Variants in LSS observed in about 807,000 individuals in gnomAD.
LSS encodes lanosterol synthase, also known as 2,3-epoxysqualene-lanosterol cyclase.
A neutral mutation model predicts 110.3 loss-of-function variants in LSS; 90 were observed. That is an observed-to-expected ratio of 0.82 (90% CI 0.69 to 0.97). LSS has a LOEUF of 0.97. Ranked by LOEUF, LSS falls within the 50% of genes least tolerant of loss-of-function variation. The pLI, the probability that LSS is intolerant of heterozygous loss-of-function variation, is 0.00. For synonymous variants in LSS, 433 were observed against 400.0 expected (o/e 1.08, Z -0.98); for missense variants, 927 against 990.0 (o/e 0.94, Z 0.85).
At chr21:46,201,026 G>A (rs2079971489) in intron 17 of LSS, among the ~76,000 whole-genome samples, 1 of 143,964 alleles carries the variant, frequency 6.9e-6, no homozygotes, top group Non-Finnish European at 1.5e-5. Context: ...GGTAGAGCCT[G>A]GATCATGTGG....
chr21:46,212,423 G>A (rs2080145754), intron 11 of LSS, among the ~76,000 whole-genome samples: 1 of 152,232 alleles, frequency 6.6e-6, no homozygotes, highest in South Asian at 2.1e-4. Context: ...CTTCTGACAC[G>A]CACAGAGGGG....
intron 11 of LSS, 79 bp from the exon 12 acceptor site, chr21:46,210,823 G>T: frequency 7.2e-7 from 1 of 1,384,800 alleles, no homozygotes; most frequent in African/African-American, 1.4e-5. Context: ...TCCAATGGGC[G>T]CCTGAGGGCC....
chr21:46,225,319 TAG>T (rs2080323917), intron 3 of LSS: 1 of 444,170 alleles, frequency 2.3e-6, no homozygotes, highest in Non-Finnish European at 4.5e-6. Context: ...ACAAGGCCAC[TAG>T]AGGGCTCCTT....
At position 46,222,136 on chromosome 21, in the gene LSS, G is replaced by A; in HGVS notation, c.429-161C>T. 4.3e-6 allele frequency: 3 copies of A among 704,316 alleles called. No individual in the cohort carries two copies. The East Asian group carries it at 8.2e-5, about 19-fold the overall frequency. The allele number at this position is 704,316 out of a possible 1,614,324, so 43.6% of individuals were successfully genotyped here. ...GAGACCCCTGAGCAGCCACTCTGCA[G>A]TACGAATTCATGCACCTCCCATGAC... On this transcript the variant is annotated intron_variant, in intron 4 of 21. Transcript: ENST00000397728.
intron 19 of LSS, 52 bp from the exon 20 acceptor site, chr21:46,194,713 C>T (rs759645801): frequency 6.4e-7 from 1 of 1,558,766 alleles, no homozygotes; most frequent in Non-Finnish European, 8.7e-7. Flanking sequence ...GGTCCCAGAC[C>T]CCTGGCTTCT....
rs746538353 is a variant in LSS at position 46,213,723 on chromosome 21, C to T, written c.1109+15G>A. ...TTCGTGAGAGGCCCCGCCAGCATATCCCAGCCACACTCACCAGAGATAGTC... is the reference window on the plus strand; with the variant it reads ...TTCGTGAGAGGCCCCGCCAGCATATTCCAGCCACACTCACCAGAGATAGTC... On this transcript the variant is annotated intron_variant, in intron 10 of 21. Transcript: ENST00000397728. 6.8e-6 allele frequency: 11 copies of T among 1,610,228 alleles called. No individual in the cohort carries two copies. Among genetic ancestry groups the T allele is most frequent in the Non-Finnish European group, 9.3e-6 (11 of 1,178,038 alleles).
chr21:46,205,709 C>T lies in LSS; in HGVS notation c.1670+127G>A, dbSNP rs1042218089. The T allele has an allele frequency of 2.1e-5, 14 of 667,090 alleles. No homozygotes were observed. The South Asian group carries it at 2.6e-4, about 12-fold the overall frequency. 41.3% of individuals were successfully genotyped at this position (667,090 alleles called of 1,614,324 possible). A position where few individuals can be genotyped will look rare whatever the true frequency, so the allele number is the denominator to read the frequency against. On this transcript the variant is annotated intron_variant, in intron 17 of 21. Coordinates refer to ENST00000397728, the MANE Select transcript of LSS (RefSeq NM_002340.6). ...TGACTGGATTCCACAACATCCGAAG[C>T]CTCTTGCATGTTTCCATGAGTTTCG...
intron 7 of LSS, 67 bp from the exon 8 acceptor site, chr21:46,215,860 G>A: frequency 9.1e-7 from 1 of 1,093,416 alleles, no homozygotes. Flanking sequence ...AAACCAGGAG[G>A]GGTGGCCTCC....
Position 46,205,909 on chromosome 21 carries a change from A to G in LSS, c.1597T>C (p.Cys533Arg). The G allele has an allele frequency of 6.2e-7, 1 of 1,611,010 alleles. No homozygotes were observed. The highest frequency in any genetic ancestry group is 1.3e-5 in the African/African-American group (1 of 74,982). ...AGCGCCTGCATCACGGCTGAGGTGCACTCCACATAGGTGTAGTCAATCATG... is the reference window on the plus strand; with the variant it reads ...AGCGCCTGCATCACGGCTGAGGTGCGCTCCACATAGGTGTAGTCAATCATG... ...DIMIDYTYVE[C>R]TSAVMQALKY... Residue 533 changes from cysteine to arginine, a missense_variant, in exon 17 of 22, where the codon TGC (cysteine) becomes CGC (arginine). Coordinates refer to ENST00000397728, the MANE Select transcript of LSS (RefSeq NM_002340.6).
chr21:46,197,320 A>G (rs564029326), intron 17 of LSS, among the ~76,000 whole-genome samples: 1 of 152,368 alleles, frequency 6.6e-6, no homozygotes, highest in African/African-American at 2.4e-5. Context: ...AACTGGCTCA[A>G]TCAAGAAATA....
chr21:46,214,813 G>A (rs574543847), intron 9 of LSS, among the ~76,000 whole-genome samples: 1 of 152,216 alleles, frequency 6.6e-6, no homozygotes, highest in East Asian at 1.9e-4. Flanking sequence ...ACGGGAGAAT[G>A]GCGAATGATG....
chr21:46,223,917 A>G (rs552286910), intron 3 of LSS, among the ~76,000 whole-genome samples: 1 of 152,256 alleles, frequency 6.6e-6, no homozygotes, highest in East Asian at 1.9e-4. Context: ...TACTTAGCAG[A>G]CCGGGAAAGG....
chr21:46,197,512 C>T (rs1406068811), intron 17 of LSS, among the ~76,000 whole-genome samples: 1 of 152,214 alleles, frequency 6.6e-6, no homozygotes, highest in Admixed American at 6.5e-5. Context: ...CTAGCTCATT[C>T]TAGGAACCCA....
Position 46,228,434 on chromosome 21 carries a change from G to A in LSS, c.180C>T (p.Thr60=). Reference sequence around the variant, plus strand: ...CTGACGCTCCGCGGAAGCAACTTACGGTGTCCAGCCCCAGGGCGTAGGCTT... The same window carrying A: ...CTGACGCTCCGCGGAAGCAACTTACAGTGTCCAGCCCCAGGGCGTAGGCTT... ...GLEAYALGLD[T]KNYFKDLPKA... Residue 60 remains threonine, a splice_region_variant and synonymous_variant, in exon 2 of 22, where the codon ACC becomes ACT. Coordinates refer to ENST00000397728, the MANE Select transcript of LSS (RefSeq NM_002340.6). 1 of 1,602,166 alleles carries A rather than the reference G, an allele frequency of 6.2e-7. No individual in the cohort carries two copies. The highest frequency in any genetic ancestry group is 8.5e-7 in the Non-Finnish European group (1 of 1,179,478).
At chr21:46,224,809 G>A (rs1233159225) in intron 3 of LSS, 1 of 150,458 alleles carries the variant, frequency 6.6e-6, no homozygotes, top group East Asian at 2.0e-4. Flanking sequence ...TCCAAAAAGA[G>A]GGAAGAAAAG....
At chr21:46,221,792 G>A in intron 5 of LSS, 62 bp downstream of exon 5, 1 of 1,608,404 alleles carries the variant, frequency 6.2e-7, no homozygotes, top group Non-Finnish European at 8.5e-7. Flanking sequence ...TATCGCGTTT[G>A]TGAGAGCTCA....
At chr21:46,204,414 G>A (rs1417176108) in intron 17 of LSS, among the ~76,000 whole-genome samples, 1 of 150,252 alleles carries the variant, frequency 6.7e-6, no homozygotes, top group East Asian at 1.9e-4. Context: ...ATCAGTATAA[G>A]ATTCTCAGAA....
At chr21:46,202,691 C>A (rs890938066) in intron 17 of LSS, among the ~76,000 whole-genome samples, 1 of 151,704 alleles carries the variant, frequency 6.6e-6, no homozygotes, top group Non-Finnish European at 1.5e-5. Context: ...CAAGACCAGC[C>A]TGAGCAACAT....
Position 46,213,054 on chromosome 21 carries a change from T to A in LSS, c.1110-2A>T. 1 of 1,613,610 alleles carries A rather than the reference T, an allele frequency of 6.2e-7. No individual in the cohort carries two copies. Among genetic ancestry groups the A allele is most frequent in the Non-Finnish European group, 8.5e-7 (1 of 1,179,976 alleles). ...ATTTTCATGCCGTCAAGGCCCATCCTGTGAGGAGAAAAAAGCCCAAGTCAG... is the reference window on the plus strand; with the variant it reads ...ATTTTCATGCCGTCAAGGCCCATCCAGTGAGGAGAAAAAAGCCCAAGTCAG... On this transcript the variant is annotated splice_acceptor_variant, in intron 10 of 21. Transcript: ENST00000397728. LOFTEE classifies it high-confidence loss of function.
Sources: gnomAD v4.1 joint callset for allele counts (sites outside exome capture counted in the v4.1 genomes callset) on GRCh38, gnomAD v4.1.1 for gene constraint, MANE v1.5 for transcripts, NCBI Gene and HGNC (gene_info 2026-07-23, HGNC 2026-07-21) for gene names.